FLT4: variants seen among roughly 807,000 people sequenced by gnomAD.
FLT4 encodes the protein vascular endothelial growth factor receptor 3.
Under a neutral mutation model 163.2 loss-of-function variants are expected in FLT4, and 30 were observed. The ratio of observed to expected loss-of-function variants is 0.18; its 90% CI spans 0.14 to 0.25. The LOEUF is 0.25. Ranked by LOEUF, FLT4 falls within the 10% of genes least tolerant of loss-of-function variation. The pLI, the probability that FLT4 is intolerant of heterozygous loss-of-function variation, is 1.00. For missense variants in FLT4, 1,510 were observed against 1,863.8 expected (o/e 0.81, Z 3.50); for synonymous variants, 884 against 789.5 (o/e 1.12, Z -2.01).
rs371926792 is a variant in FLT4 at position 180,647,281 on chromosome 5, G to A, written c.58+2207C>T. Among the ~76,000 whole-genome samples, 156 of 152,320 alleles carry A rather than the reference G, an allele frequency of 1.0e-3. 2 individuals carry two copies. Among genetic ancestry groups the A allele is most frequent in the African/African-American group, 3.6e-3 (148 of 41,578 alleles). ...GACTGTGGAACTGCAGCAGGCATCTGGGTCTTGGAGTCCAGCCCAAGCACA... is the reference window on the plus strand; with the variant it reads ...GACTGTGGAACTGCAGCAGGCATCTAGGTCTTGGAGTCCAGCCCAAGCACA... On this transcript the variant is annotated intron_variant, in intron 1 of 29. Coordinates refer to ENST00000261937, the MANE Select transcript of FLT4 (RefSeq NM_182925.5).
intron 21 of FLT4, 82 bp from the exon 22 acceptor site, chr5:180,617,076 C>T (rs1278121881): frequency 5.1e-6 from 5 of 986,518 alleles, no homozygotes; most frequent in Non-Finnish European, 6.5e-6. Flanking sequence ...AGCTAACAAG[C>T]ATGTCAGCCC....
chr5:180,629,936 C>G lies in FLT4; in HGVS notation c.676+7G>C, dbSNP rs1763957825. On this transcript the variant is annotated splice_region_variant and intron_variant, in intron 5 of 29. Transcript: ENST00000261937. ...CCGTTACTGGGAACGGGGCACAGCC[C>G]TGTTACCTGTGATGTGCACCAGGAA... 1 of 1,612,684 alleles carries G rather than the reference C, an allele frequency of 6.2e-7. No individual in the cohort carries two copies. The highest frequency in any genetic ancestry group is 8.5e-7 in the Non-Finnish European group (1 of 1,179,928).
At position 180,621,199 on chromosome 5, in the gene FLT4, T is replaced by G. The variant is rs2127815119; in HGVS notation, c.2074A>C (p.Ser692Arg). The change falls in exon 14 of 30, where the codon AGC (serine) becomes CGC (arginine). Residue 692 changes from serine to arginine, a missense_variant. Physicochemically the swap from Ser to Arg is moderately radical, Grantham distance 110. Coordinates refer to ENST00000261937, the MANE Select transcript of FLT4 (RefSeq NM_182925.5). Reference protein sequence around the residue: ...QNLTDLLVNVSDSLEMQCLVA... With the variant: ...QNLTDLLVNVRDSLEMQCLVA... The stretch of plus-strand genomic sequence containing the variant: ...AAGCACTGCATCTCCAGCGAGTCGC[T>G]CACGTTCACCAGGAGGTCGGTCAAG... 1 of 1,612,736 alleles carries G rather than the reference T, an allele frequency of 6.2e-7. No homozygotes were observed. Among genetic ancestry groups the G allele is most frequent in the Non-Finnish European group, 8.5e-7 (1 of 1,179,936 alleles).
chr5:180,610,786 A>C (rs1007279715), intron 27 of FLT4, among the ~76,000 whole-genome samples: 1 of 152,150 alleles, frequency 6.6e-6, no homozygotes, highest in African/African-American at 2.4e-5. Context: ...TGCCGGGCGC[A>C]GTGGCTCACG....
chr5:180,605,459 G>A (rs1046812047), intron 29 of FLT4, among the ~76,000 whole-genome samples: 1 of 151,982 alleles, frequency 6.6e-6, no homozygotes, highest in African/African-American at 2.4e-5. Flanking sequence ...ATTGTCTACC[G>A]GGAAGTTTTA....
intron 1 of FLT4, among the ~76,000 whole-genome samples, chr5:180,642,164 G>T (rs544389771): frequency 1.3e-5 from 2 of 150,232 alleles, no homozygotes; most frequent in Admixed American, 1.3e-4. Context: ...CCGAGATCGC[G>T]CCACTGCACT....
chr5:180,614,601 G>A (rs1225666836), intron 23 of FLT4, among the ~76,000 whole-genome samples: 2 of 152,014 alleles, frequency 1.3e-5, no homozygotes, highest in Non-Finnish European at 2.9e-5. Context: ...CATCACTCCT[G>A]ACACCCTCCT....
At chr5:180,612,975 T>G in intron 25 of FLT4, 36 bp downstream of exon 25, 1 of 1,533,546 alleles carries the variant, frequency 6.5e-7, no homozygotes, top group South Asian at 1.1e-5. Flanking sequence ...CGACGCTTGC[T>G]GTCCCCAAAA....
chr5:180,611,781 G>A, intron 26 of FLT4: 2 of 497,562 alleles, frequency 4.0e-6, no homozygotes. Flanking sequence ...GACAGATAAG[G>A]GGTCAAGGTA....
At chr5:180,613,138 G>C (rs1327182281) in intron 24 of FLT4, 28 bp from the exon 25 acceptor site, 1 of 1,543,232 alleles carries the variant, frequency 6.5e-7, no homozygotes, top group Non-Finnish European at 8.9e-7. Context: ...AGGTGGGTGG[G>C]GAGCAAGCCT....
At chr5:180,625,635 G>A (rs1051144967) in intron 10 of FLT4, among the ~76,000 whole-genome samples, 4 of 152,250 alleles carry the variant, frequency 2.6e-5, no homozygotes, top group Admixed American at 6.5e-5. Context: ...CCCATCCTGT[G>A]TCCAGCTTGG....
chr5:180,630,845 G>A lies in FLT4; in HGVS notation c.156-46C>T, dbSNP rs1380535219. 1 of 1,564,404 alleles carries A rather than the reference G, an allele frequency of 6.4e-7. No homozygotes were observed. On this transcript the variant is annotated intron_variant, in intron 2 of 29. Transcript: ENST00000261937. This position sits in a 1 kb window ranked among gnomAD's most constrained non-coding sequence, Gnocchi z 6.3. ...TCAGGTGGGCCCCAGGGCAGCCCAT[G>A]GGGACTGTCCCTGAGAAGCCTCCCT...
intron 1 of FLT4, among the ~76,000 whole-genome samples, chr5:180,648,040 C>T (rs1171763478): frequency 1.3e-5 from 2 of 152,214 alleles, no homozygotes; most frequent in African/African-American, 2.4e-5. Context: ...GCTACTCAGC[C>T]CAGCTCAGAC....
rs1288100685 is a variant in FLT4 at position 180,630,967 on chromosome 5, G to A, written c.156-168C>T. Reference sequence around the variant, plus strand: ...CCGTGCCCAGGGCAGGGCACTCCCCGACCCCCGGGCCTCTACCAGGCTCCC... The same window carrying A: ...CCGTGCCCAGGGCAGGGCACTCCCCAACCCCCGGGCCTCTACCAGGCTCCC... On this transcript the variant is annotated intron_variant, in intron 2 of 29. Transcript: ENST00000261937. The surrounding 1 kb of genome is among the most constrained non-coding windows in gnomAD (Gnocchi z 6.3). 6.6e-6 allele frequency among the ~76,000 whole-genome samples: 1 copy of A among 152,068 alleles called. No homozygotes were observed. The highest frequency in any genetic ancestry group is 1.5e-5 in the Non-Finnish European group (1 of 67,986).
At chr5:180,633,212 C>G (rs1439067757) in intron 1 of FLT4, among the ~76,000 whole-genome samples, 1 of 152,198 alleles carries the variant, frequency 6.6e-6, no homozygotes, top group East Asian at 1.9e-4. Context: ...TCAATGATCT[C>G]TGGCCTCTCC....
chr5:180,623,893 TCTC>T lies in FLT4; in HGVS notation c.1548+39_1548+41del, dbSNP rs759351991. 7 of 1,611,980 alleles carry T rather than the reference TCTC, an allele frequency of 4.3e-6. No individual in the cohort carries two copies. The South Asian group carries it at 4.4e-5, about 10-fold the overall frequency. On this transcript the variant is annotated intron_variant, in intron 11 of 29. Coordinates refer to ENST00000261937, the MANE Select transcript of FLT4 (RefSeq NM_182925.5). The surrounding 1 kb of genome is among the most constrained non-coding windows in gnomAD (Gnocchi z 5.8). ...CAGTAATGGCCTCTCTCTCCTCCCT[TCTC>T]CTTCTCCCTGGGCACTCAGCAGCGC...
At chr5:180,603,934 G>T (rs1761655385) in intron 29 of FLT4, among the ~76,000 whole-genome samples, 1 of 151,410 alleles carries the variant, frequency 6.6e-6, no homozygotes, top group African/African-American at 2.4e-5. Flanking sequence ...GAGCCCAGGA[G>T]GTGGAGGTTT....
At chr5:180,607,187 T>C (rs900284718) in intron 29 of FLT4, among the ~76,000 whole-genome samples, 1 of 152,220 alleles carries the variant, frequency 6.6e-6, no homozygotes, top group African/African-American at 2.4e-5. Context: ...GCCAAAACTG[T>C]TTTTCCCCTG....
At chr5:180,647,441 A>C (rs1450799927) in intron 1 of FLT4, among the ~76,000 whole-genome samples, 1 of 152,072 alleles carries the variant, frequency 6.6e-6, no homozygotes, top group Non-Finnish European at 1.5e-5. Context: ...GGTCACACAG[A>C]AAGGACTTTA....
Sources: allele counts gnomAD v4.1 joint callset (sites outside exome capture counted in the v4.1 genomes callset), GRCh38; gene constraint gnomAD v4.1.1; non-coding constraint Gnocchi (gnomAD v3.1); transcripts MANE v1.5; gene names NCBI Gene and HGNC (gene_info 2026-07-23, HGNC 2026-07-21).